THSD4: variants seen among roughly 807,000 people sequenced by gnomAD.
THSD4 encodes thrombospondin type 1 domain containing 4.
In THSD4, 69 loss-of-function variants were observed where a neutral mutation model predicts 119.0. The ratio of observed to expected loss-of-function variants is 0.58; its 90% CI spans 0.48 to 0.71. The LOEUF (loss-of-function observed/expected upper bound fraction) is 0.71. Ranked by LOEUF, THSD4 falls within the 30% of genes least tolerant of loss-of-function variation. The pLI is 0.00. For missense variants in THSD4, 1,393 were observed against 1,391.1 expected (o/e 1.00, Z -0.02); for synonymous variants, 524 against 540.4 (o/e 0.97, Z 0.42).
At chr15:71,236,801 A>G (rs949991913) in intron 4 of THSD4, among the ~76,000 whole-genome samples, 3 of 152,212 alleles carry the variant, frequency 2.0e-5, no homozygotes, top group Non-Finnish European at 4.4e-5. Context: ...TAAGCATAAT[A>G]GAAGATTGTG....
At chr15:71,532,939 T>G (rs1171845274) in intron 7 of THSD4, among the ~76,000 whole-genome samples, 1 of 152,222 alleles carries the variant, frequency 6.6e-6, no homozygotes, top group Non-Finnish European at 1.5e-5. Flanking sequence ...TGTAAAGTTT[T>G]CCATTTAGGC....
At chr15:71,442,676 A>ATG (rs2047124949) in intron 7 of THSD4, among the ~76,000 whole-genome samples, 1 of 87,898 alleles carries the variant, frequency 1.1e-5, no homozygotes, top group Non-Finnish European at 2.3e-5. Flanking sequence ...ATATATATAT[A>ATG]TATATATATA....
intron 7 of THSD4, among the ~76,000 whole-genome samples, chr15:71,500,301 G>A (rs191251971): frequency 3.3e-5 from 5 of 152,156 alleles, no homozygotes; most frequent in Admixed American, 6.5e-5. Flanking sequence ...GTCTGTTCAC[G>A]TCCTGTGCCC....
Position 71,599,125 on chromosome 15 carries a change from T to G in THSD4, c.1153-61405T>G, listed in dbSNP as rs1219501443. Among the ~76,000 whole-genome samples, 7 of 152,198 alleles carry G rather than the reference T, an allele frequency of 4.6e-5. No homozygotes were observed. In the East Asian group the frequency reaches 1.3e-3, roughly 29 times the overall value. On this transcript the variant is annotated intron_variant, in intron 7 of 17. Coordinates refer to ENST00000261862, the MANE Select transcript of THSD4 (RefSeq NM_024817.3). ...TAGTAAAACCATAAATGTTACTGGG[T>G]ACAAGAATTTCATGTGGCTTAGTTC...
intron 17 of THSD4, among the ~76,000 whole-genome samples, chr15:71,771,442 A>G (rs1343584317): frequency 8.5e-5 from 13 of 152,198 alleles, no homozygotes; most frequent in Admixed American, 2.0e-4. Context: ...GTGTGGATTG[A>G]TTAAAATGGT....
chr15:71,264,030 C>G (rs1338307384), intron 6 of THSD4, among the ~76,000 whole-genome samples: 1 of 152,126 alleles, frequency 6.6e-6, no homozygotes, highest in Non-Finnish European at 1.5e-5. Context: ...CAAGATCTAC[C>G]CCTTGCGTGC....
At chr15:71,193,746 T>C (rs530237997) in intron 3 of THSD4, among the ~76,000 whole-genome samples, 36 of 152,216 alleles carry the variant, frequency 2.4e-4, no homozygotes, top group African/African-American at 4.1e-4. Context: ...CTCGCTCTGT[T>C]GCCCAGGCAG....
chr15:71,609,624 G>A (rs1342241930), intron 7 of THSD4, among the ~76,000 whole-genome samples: 3 of 152,022 alleles, frequency 2.0e-5, no homozygotes, highest in African/African-American at 4.8e-5. Flanking sequence ...AGGCCGAGGC[G>A]GGCAGATCAC....
intron 7 of THSD4, among the ~76,000 whole-genome samples, chr15:71,584,157 A>C (rs1307794493): frequency 7.0e-6 from 1 of 142,478 alleles, no homozygotes; most frequent in Non-Finnish European, 1.5e-5. Flanking sequence ...TCATATAATG[A>C]TTTTCTTTGT....
chr15:71,139,445 C>A (rs1456710824), intron 1 of THSD4, among the ~76,000 whole-genome samples: 2 of 152,194 alleles, frequency 1.3e-5, no homozygotes, highest in Admixed American at 6.5e-5. Flanking sequence ...AGCAAGAAGA[C>A]CACACCTCTG....
At chr15:71,476,898 A>G (rs2047662521) in intron 7 of THSD4, among the ~76,000 whole-genome samples, 1 of 152,184 alleles carries the variant, frequency 6.6e-6, no homozygotes, top group Non-Finnish European at 1.5e-5. Flanking sequence ...CTCATCAGTT[A>G]TCTGGGCCGA....
At chr15:71,491,183 T>C (rs2047913109) in intron 7 of THSD4, among the ~76,000 whole-genome samples, 1 of 152,228 alleles carries the variant, frequency 6.6e-6, no homozygotes, top group African/African-American at 2.4e-5. Flanking sequence ...CATGCCCTTT[T>C]CCTCCACACC....
In THSD4 at chr15:71,243,116, A is replaced by G. The variant is rs1399622828; in HGVS notation, c.912+20A>G. 1.9e-6 allele frequency: 3 copies of G among 1,587,586 alleles called. No individual in the cohort carries two copies. The South Asian group carries it at 3.5e-5, about 18-fold the overall frequency. ...ACCAACGTGAGTACACACAACCCATACCGGGCCTGGAAACAGCTGCCCCTC... is the reference window on the plus strand; with the variant it reads ...ACCAACGTGAGTACACACAACCCATGCCGGGCCTGGAAACAGCTGCCCCTC... On this transcript the variant is annotated intron_variant, in intron 5 of 17. Transcript: ENST00000261862.
chr15:71,561,490 A>C (rs1228946186), intron 7 of THSD4, among the ~76,000 whole-genome samples: 4 of 152,134 alleles, frequency 2.6e-5, no homozygotes, highest in African/African-American at 9.7e-5. Context: ...TGTCCAACTG[A>C]AGTAGAATGC....
intron 6 of THSD4, among the ~76,000 whole-genome samples, chr15:71,309,456 A>C (rs891903402): frequency 1.3e-5 from 2 of 152,174 alleles, no homozygotes; most frequent in African/African-American, 4.8e-5. Context: ...TTGTCTCTTC[A>C]CTTTCTTAAT....
chr15:71,626,032 A>G (rs1437694628), intron 7 of THSD4, among the ~76,000 whole-genome samples: 4 of 152,218 alleles, frequency 2.6e-5, no homozygotes, highest in African/African-American at 7.2e-5. Flanking sequence ...GAGGATTTTT[A>G]TACATTTTTC....
At chr15:71,412,612 G>A (rs1395211064) in intron 7 of THSD4, among the ~76,000 whole-genome samples, 2 of 152,148 alleles carry the variant, frequency 1.3e-5, no homozygotes, top group South Asian at 2.1e-4. Context: ...CTGGCAGACC[G>A]ATTTTAATCA....
chr15:71,333,456 T>C (rs1296778834), intron 6 of THSD4, among the ~76,000 whole-genome samples: 1 of 152,160 alleles, frequency 6.6e-6, no homozygotes, highest in African/African-American at 2.4e-5. Context: ...CCTCTTAGAC[T>C]TTAGCTTTCT....
At chr15:71,389,465 C>CT (rs71154766) in intron 6 of THSD4, among the ~76,000 whole-genome samples, 50,874 of 143,726 alleles carry the variant, frequency 0.35, 9,324 homozygotes, top group Middle Eastern at 0.5. Context: ...AGAATTTCCT[C>CT]TTTTTTTTTT....
Sources: allele counts gnomAD v4.1 joint callset (sites outside exome capture counted in the v4.1 genomes callset), GRCh38; gene constraint gnomAD v4.1.1; transcripts MANE v1.5; gene names NCBI Gene and HGNC (gene_info 2026-07-23, HGNC 2026-07-21).